Variants in DENND2B observed in about 807,000 individuals in gnomAD.
DENND2B encodes DENN domain containing 2B.
DENND2B carries 32 observed loss-of-function variants against 116.0 expected under a neutral mutation model. The observed-to-expected ratio is 0.28, with a 90% CI of 0.21 to 0.37. The LOEUF (loss-of-function observed/expected upper bound fraction) is 0.37. Among genes scored for constraint, DENND2B ranks in the 10% least tolerant of loss-of-function variants. The pLI is 1.00. For missense variants in DENND2B, 1,276 were observed against 1,477.7 expected, an observed-to-expected ratio of 0.86 and a Z score of 2.24; for synonymous variants, 588 against 583.9, an observed-to-expected ratio of 1.01 and a Z score of -0.10.
chr11:8,788,049 G>C (rs372837291), intron 1 of DENND2B, among the ~76,000 whole-genome samples: 40 of 152,248 alleles, frequency 2.6e-4, no homozygotes, highest in African/African-American at 9.4e-4. Context: ...GGGCTTTCTA[G>C]ATGTTTAAGA....
chr11:8,736,617 A>G (rs1239606437), intron 2 of DENND2B, among the ~76,000 whole-genome samples: 2 of 152,202 alleles, frequency 1.3e-5, no homozygotes, highest in African/African-American at 4.8e-5. Context: ...GGACACATGA[A>G]CACAACCCAA....
intron 1 of DENND2B, among the ~76,000 whole-genome samples, chr11:8,796,263 C>A (rs776277999): frequency 2.6e-5 from 4 of 152,142 alleles, no homozygotes; most frequent in African/African-American, 9.7e-5. Context: ...AAGTATGGAC[C>A]GGACACAGTG....
intron 1 of DENND2B, among the ~76,000 whole-genome samples, chr11:8,769,550 G>A (rs2056496319): frequency 6.6e-6 from 1 of 152,100 alleles, no homozygotes; most frequent in African/African-American, 2.4e-5. Context: ...GTGAACCACT[G>A]CGCCTGGTCA....
At chr11:8,880,155 T>C (rs2063886420) in intron 2 of DENND2B, among the ~76,000 whole-genome samples, 2 of 152,184 alleles carry the variant, frequency 1.3e-5, no homozygotes, top group Non-Finnish European at 2.9e-5. Context: ...GGTCAAACTC[T>C]TACATCTCCT....
At chr11:8,829,359 C>G (rs1480531519) in intron 4 of DENND2B, among the ~76,000 whole-genome samples, 8 of 152,008 alleles carry the variant, frequency 5.3e-5, no homozygotes, top group African/African-American at 1.9e-4. Context: ...CTTCCGTGGT[C>G]AGCACAAGGC....
chr11:8,703,916 T>C (rs894158502), intron 13 of DENND2B, among the ~76,000 whole-genome samples: 7 of 152,112 alleles, frequency 4.6e-5, no homozygotes, highest in African/African-American at 1.7e-4. Context: ...CAGAAAGAAG[T>C]AGCACAATGA....
chr11:8,826,921 G>A (rs2062000453), intron 4 of DENND2B, among the ~76,000 whole-genome samples: 1 of 152,190 alleles, frequency 6.6e-6, no homozygotes, highest in South Asian at 2.1e-4. Context: ...ACGATTCAAG[G>A]AAGGGAAGAT....
chr11:8,905,240 A>C (rs2064221258), intron 1 of DENND2B, among the ~76,000 whole-genome samples: 1 of 152,206 alleles, frequency 6.6e-6, no homozygotes, highest in South Asian at 2.1e-4. Context: ...GCTAACTCTT[A>C]CATTTATGGT....
chr11:8,832,103 C>T (rs1450399621), intron 4 of DENND2B, among the ~76,000 whole-genome samples: 1 of 152,150 alleles, frequency 6.6e-6, no homozygotes, highest in African/African-American at 2.4e-5. Flanking sequence ...TACCCCTCAC[C>T]CCCGCCTTCC....
At chr11:8,834,024 A>C (rs543443063) in intron 4 of DENND2B, among the ~76,000 whole-genome samples, 1 of 152,232 alleles carries the variant, frequency 6.6e-6, no homozygotes, top group Non-Finnish European at 1.5e-5. Flanking sequence ...ACAAGACCAA[A>C]GATGAACTCA....
rs1594359637 is a variant in DENND2B at position 8,900,892 on chromosome 11, C to A, written c.-256+9929G>T. Reference sequence around the variant, plus strand: ...GCTGAGGCAGGAGAATCACTTGAATCTGGGAGGCAGAGGTTGCAGTGAGCC... The same window carrying A: ...GCTGAGGCAGGAGAATCACTTGAATATGGGAGGCAGAGGTTGCAGTGAGCC... On this transcript the variant is annotated intron_variant, in intron 1 of 22. Coordinates refer to the DENND2B transcript ENST00000534127. Among the ~76,000 whole-genome samples, 4 of 152,132 alleles carry A rather than the reference C, an allele frequency of 2.6e-5. No homozygotes were observed. In the South Asian group the frequency reaches 8.3e-4, roughly 32 times the overall value.
intron 1 of DENND2B, among the ~76,000 whole-genome samples, chr11:8,788,928 G>A (rs148151205): frequency 3.9e-5 from 6 of 152,230 alleles, no homozygotes; most frequent in African/African-American, 1.4e-4. Flanking sequence ...GCCAATCCAG[G>A]CTGAAATCCA....
Position 8,702,986 on chromosome 11 carries a change from A to C in DENND2B, c.2572-266T>G. The C allele has an allele frequency of 2.2e-6, 1 of 461,186 alleles. No homozygotes were observed. Among genetic ancestry groups the C allele is most frequent in the Non-Finnish European group, 3.9e-6 (1 of 254,766 alleles). The allele number at this position is 461,186 out of a possible 1,614,324, so 28.6% of individuals were successfully genotyped here. On this transcript the variant is annotated intron_variant, in intron 13 of 19. Transcript: ENST00000313726. This position sits in a 1 kb window ranked among gnomAD's most constrained non-coding sequence, Gnocchi z 4.6. ...GAAGGAAGGAGTTGAGGGGCCATCC[A>C]TCGGGACCTCAGGAAGAGAGGAGAG...
chr11:8,790,190 C>T lies in DENND2B; in HGVS notation c.-26+20327G>A, dbSNP rs192579569. Among the ~76,000 whole-genome samples the T allele has an allele frequency of 2.0e-5, 3 of 152,220 alleles. No homozygotes were observed. In the East Asian group the frequency reaches 5.8e-4, roughly 29 times the overall value. On this transcript the variant is annotated intron_variant, in intron 1 of 19. Coordinates refer to ENST00000313726, the MANE Select transcript of DENND2B (RefSeq NM_213618.2). ...GTCTCCTTATAAAGGAACTATGCCT[C>T]CTTCAAAATCTGTACCAGCACCATT...
At chr11:8,826,989 G>A (rs1278252267) in intron 4 of DENND2B, among the ~76,000 whole-genome samples, 1 of 152,202 alleles carries the variant, frequency 6.6e-6, no homozygotes, top group Non-Finnish European at 1.5e-5. Flanking sequence ...AGAGTAGAAA[G>A]CAATTTAAGA....
chr11:8,760,352 T>G, intron 1 of DENND2B, among the ~76,000 whole-genome samples: 1 of 152,302 alleles, frequency 6.6e-6, no homozygotes, highest in African/African-American at 2.4e-5. Flanking sequence ...AAATGTGAGC[T>G]TTCGCCTGTA....
chr11:8,782,174 A>C (rs2058439771), intron 1 of DENND2B, among the ~76,000 whole-genome samples: 1 of 152,236 alleles, frequency 6.6e-6, no homozygotes, highest in Non-Finnish European at 1.5e-5. Flanking sequence ...TGCATTATAC[A>C]CCAATTAAAC....
Position 8,718,540 on chromosome 11 carries a change from G to A in DENND2B, c.1478-648C>T, listed in dbSNP as rs138843264. 4.0e-4 allele frequency: 578 copies of A among 1,432,610 alleles called. 2 individuals carry two copies. In the African/African-American group the frequency reaches 4.5e-3, roughly 11 times the overall value. The allele number at this position is 1,432,610 out of a possible 1,614,324, so 88.7% of individuals were successfully genotyped here. A position where few individuals can be genotyped will look rare whatever the true frequency, so the allele number is the denominator to read the frequency against. ...GGAAGTGTTCAGTAATGATCTGTTC[G>A]ATGACTCTCCTACTGTAGTGTCTAT... On this transcript the variant is annotated intron_variant, in intron 4 of 19. Coordinates refer to ENST00000313726, the MANE Select transcript of DENND2B (RefSeq NM_213618.2).
chr11:8,841,035 C>T (rs181091820), intron 3 of DENND2B, among the ~76,000 whole-genome samples: 1 of 152,260 alleles, frequency 6.6e-6, no homozygotes, highest in Non-Finnish European at 1.5e-5. Flanking sequence ...TGTTGCACTA[C>T]TAAATAAAAA....
Sources: gnomAD v4.1 joint callset for allele counts (sites outside exome capture counted in the v4.1 genomes callset) on GRCh38, gnomAD v4.1.1 for gene constraint, Gnocchi (gnomAD v3.1) non-coding constraint, MANE v1.5 for transcripts, NCBI Gene and HGNC (gene_info 2026-07-23, HGNC 2026-07-21) for gene names.